CAST: variants seen among roughly 807,000 people sequenced by gnomAD.
CAST encodes the protein MIR583 host.
Under a neutral mutation model 119.6 loss-of-function variants are expected in CAST, and 76 were observed. The ratio of observed to expected loss-of-function variants is 0.64; its 90% CI spans 0.53 to 0.77. The LOEUF (loss-of-function observed/expected upper bound fraction) is 0.77. Ranked by LOEUF, CAST falls within the 30% of genes least tolerant of loss-of-function variation. The pLI is 0.00. For synonymous variants in CAST, 319 were observed against 331.6 expected (o/e 0.96, Z 0.41); for missense variants, 953 against 946.5 (o/e 1.01, Z -0.09).
At chr5:96,478,775 G>A in the CAST span, among the ~76,000 whole-genome samples, 1 of 152,214 alleles carries the variant, frequency 6.6e-6, no homozygotes, top group African/African-American at 2.4e-5. Context: ...TGATATGTAG[G>A]AAGGGTCTGC....
chr5:96,626,534 A>C (rs927353790), intron 1 of CAST, among the ~76,000 whole-genome samples: 6 of 152,024 alleles, frequency 3.9e-5, no homozygotes, highest in Admixed American at 2.0e-4. Context: ...TGGCAGTGTC[A>C]GTGTCCTGTT....
rs370401356 is a variant in CAST at position 96,726,796 on chromosome 5, C to T, written c.273C>T (p.Ala91=). The T allele has an allele frequency of 3.1e-5, 50 of 1,610,752 alleles. No homozygotes were observed. Among genetic ancestry groups the T allele is most frequent in the Non-Finnish European group, 4.2e-5 (50 of 1,177,378 alleles). The change falls in exon 5 of 32, where the codon GCC becomes GCT. Residue 91 remains alanine (A), a splice_region_variant and synonymous_variant. Transcript: ENST00000675179. The part of the protein sequence containing the change: ...SSSMNPTETK[A]IPVSQQMEGP... ...CTGGGGCTGTGCTCTTATATTAGGC[C>T]ATTCCAGTCAGCCAACAGATGGAAG...
the CAST span, among the ~76,000 whole-genome samples, chr5:96,482,298 G>T: frequency 6.6e-6 from 1 of 151,824 alleles, no homozygotes; most frequent in Admixed American, 6.6e-5. Context: ...TACATGGTTA[G>T]TTGCCATGAA....
the CAST span, among the ~76,000 whole-genome samples, chr5:96,021,460 T>G: frequency 1.3e-5 from 2 of 152,120 alleles, no homozygotes; most frequent in African/African-American, 4.8e-5. Flanking sequence ...TTTCTTTTTT[T>G]TTTGAGATGG....
chr5:96,738,106 G>T (rs1236547896), intron 11 of CAST, among the ~76,000 whole-genome samples, 159 bp downstream of exon 11: 1 of 152,154 alleles, frequency 6.6e-6, no homozygotes, highest in African/African-American at 2.4e-5. Flanking sequence ...CAGATTTCTT[G>T]AAGTCAGGCA....
intron 1 of CAST, among the ~76,000 whole-genome samples, chr5:96,604,866 G>A (rs987132956): frequency 4.6e-5 from 7 of 152,328 alleles, no homozygotes; most frequent in Admixed American, 2.6e-4. Flanking sequence ...GGGCTCAGTA[G>A]GCAAAAGGCA....
the CAST span, among the ~76,000 whole-genome samples, chr5:96,245,637 A>C: frequency 6.8e-6 from 1 of 147,942 alleles, no homozygotes. Context: ...AAAAAAAAAA[A>C]CAAATAGTGA....
chr5:96,348,701 T>C, the CAST span, among the ~76,000 whole-genome samples: 51 of 151,882 alleles, frequency 3.4e-4, no homozygotes, highest in Non-Finnish European at 4.4e-5. Flanking sequence ...AAAGGACAGA[T>C]GGTGTACAGA....
chr5:96,452,640 T>TAAAAAAAAAAAAAAAAAAAAAAA, the CAST span, among the ~76,000 whole-genome samples: 1 of 90,140 alleles, frequency 1.1e-5, no homozygotes, highest in Non-Finnish European at 2.0e-5. Context: ...TAAAGTATAA[T>TAAAAAAAAAAAAAAAAAAAAAAA]AAAAAAAAAA....
the CAST span, among the ~76,000 whole-genome samples, chr5:96,510,356 A>G: frequency 6.6e-6 from 1 of 152,180 alleles, no homozygotes. Context: ...AATACAATTC[A>G]CCCAGGAAAA....
rs372615453 is a variant in CAST at position 96,631,303 on chromosome 5, T to G, written c.61-44236T>G. 2.2e-4 allele frequency among the ~76,000 whole-genome samples: 31 copies of G among 141,106 alleles called. 5 individuals carry two copies. In the East Asian group the frequency reaches 6.3e-3, roughly 29 times the overall value. 92.6% of individuals were successfully genotyped at this position (141,106 alleles called of 152,430 possible). A position where few individuals can be genotyped will look rare whatever the true frequency, so the allele number is the denominator to read the frequency against. ...ATGCCCTGGCAACCACTAATCTACT[T>G]TCTATCTCTATAAATTTGGCTATTT... On this transcript the variant is annotated intron_variant, in intron 1 of 11. Transcript: ENST00000505143.
chr5:96,230,165 CA>C, the CAST span, among the ~76,000 whole-genome samples: 1 of 152,112 alleles, frequency 6.6e-6, no homozygotes, highest in Non-Finnish European at 1.5e-5. Context: ...GCAGTATGAG[CA>C]CAGAGACTTA....
chr5:96,015,377 T>C, the CAST span, among the ~76,000 whole-genome samples: 3 of 152,218 alleles, frequency 2.0e-5, no homozygotes, highest in Non-Finnish European at 2.9e-5. Context: ...AAAACCATTA[T>C]GAACTGGACT....
chr5:96,604,389 G>T (rs924289052), intron 1 of CAST, among the ~76,000 whole-genome samples: 25 of 152,192 alleles, frequency 1.6e-4, no homozygotes, highest in African/African-American at 5.3e-4. Context: ...TGAGACTAGA[G>T]TAGATAATAA....
chr5:96,369,137 T>C, the CAST span, among the ~76,000 whole-genome samples: 1 of 151,596 alleles, frequency 6.6e-6, no homozygotes, highest in Non-Finnish European at 1.5e-5. Context: ...TTTTTATCTA[T>C]ATATTTTATA....
the CAST span, among the ~76,000 whole-genome samples, chr5:96,402,734 T>C: frequency 6.6e-6 from 1 of 152,054 alleles, no homozygotes; most frequent in Non-Finnish European, 1.5e-5. Flanking sequence ...TTTTGGCTTG[T>C]TGAATTAATA....
chr5:96,512,383 A>C, the CAST span, among the ~76,000 whole-genome samples: 2 of 152,144 alleles, frequency 1.3e-5, no homozygotes, highest in African/African-American at 4.8e-5. Context: ...TCCCACCCTC[A>C]ATCAGTAGGC....
At chr5:96,409,602 C>T in the CAST span, among the ~76,000 whole-genome samples, 1 of 152,166 alleles carries the variant, frequency 6.6e-6, no homozygotes, top group South Asian at 2.1e-4. Flanking sequence ...AGATAAGGAA[C>T]AGTCTGTGAA....
At chr5:96,525,586 C>G (rs1367747428), upstream of CAST, among the ~76,000 whole-genome samples, 1 of 152,180 alleles carries the variant, frequency 6.6e-6, no homozygotes, top group Non-Finnish European at 1.5e-5. Flanking sequence ...TTTTCTTTCT[C>G]TCTCTACTTA....
Sources: gnomAD v4.1 joint callset for allele counts (sites outside exome capture counted in the v4.1 genomes callset) on GRCh38, gnomAD v4.1.1 for gene constraint, MANE v1.5 for transcripts, NCBI Gene and HGNC (gene_info 2026-07-23, HGNC 2026-07-21) for gene names.